Variants in TNRC6B observed in about 807,000 individuals in gnomAD.
The protein encoded by TNRC6B is trinucleotide repeat containing adaptor 6B, also known as trinucleotide repeat-containing gene 6B protein.
In TNRC6B, 52 loss-of-function variants were observed where a neutral mutation model predicts 203.6. That is an observed-to-expected ratio of 0.26 (90% CI 0.20 to 0.32). The LOEUF (loss-of-function observed/expected upper bound fraction) is 0.32, where lower values mean the gene tolerates loss of function less well. TNRC6B is among the 10% of genes least tolerant of loss of function. The pLI, the probability that TNRC6B is intolerant of heterozygous loss-of-function variation, is 1.00. For missense variants in TNRC6B, 1,923 were observed against 2,286.2 expected (o/e 0.84, Z 3.24); for synonymous variants, 838 against 845.7 (o/e 0.99, Z 0.16).
At chr22:40,151,204 G>GA (rs959309815) in intron 3 of TNRC6B, among the ~76,000 whole-genome samples, 3 of 151,494 alleles carry the variant, frequency 2.0e-5, no homozygotes, top group Admixed American at 1.3e-4. Flanking sequence ...CAGAGAGGTG[G>GA]AAGTTGCAGT....
At chr22:40,315,570 A>C in intron 20 of TNRC6B, 63 bp downstream of exon 20, 2 of 1,533,694 alleles carry the variant, frequency 1.3e-6, no homozygotes, top group Non-Finnish European at 1.8e-6. Flanking sequence ...GTTAACACAG[A>C]TGGTGAAGAC....
chr22:40,260,266 G>A (rs1034646945), intron 3 of TNRC6B, among the ~76,000 whole-genome samples: 6 of 151,804 alleles, frequency 4.0e-5, no homozygotes, highest in Non-Finnish European at 7.4e-5. Context: ...ACAGAGAGCG[G>A]TGCAAGTCTT....
intron 7 of TNRC6B, among the ~76,000 whole-genome samples, chr22:40,276,324 G>A: frequency 6.6e-6 from 1 of 150,688 alleles, no homozygotes; most frequent in Non-Finnish European, 1.5e-5. Context: ...TCTAGCCTGG[G>A]TGACAGAGAA....
At chr22:40,241,578 G>T (rs1005320276) in intron 1 of TNRC6B, among the ~76,000 whole-genome samples, 1 of 152,158 alleles carries the variant, frequency 6.6e-6, no homozygotes, top group African/African-American at 2.4e-5. Context: ...ACATTTAAAA[G>T]GACTCATAGA....
At chr22:40,164,760 CAA>C (rs550507661) in intron 4 of TNRC6B, among the ~76,000 whole-genome samples, 37,343 of 90,364 alleles carry the variant, frequency 0.41, 6,429 homozygotes, top group East Asian at 0.5. Context: ...AATTCTGTCT[CAA>C]AAAAAAAAAA....
At chr22:40,232,213 G>A (rs1056420859) in intron 1 of TNRC6B, among the ~76,000 whole-genome samples, 3 of 152,200 alleles carry the variant, frequency 2.0e-5, no homozygotes, top group Admixed American at 6.5e-5. Context: ...AACAGTATTA[G>A]CAGCGGCATA....
intron 3 of TNRC6B, among the ~76,000 whole-genome samples, chr22:40,259,474 G>A (rs1010634725): frequency 2.6e-5 from 4 of 152,086 alleles, no homozygotes; most frequent in Non-Finnish European, 5.9e-5. Context: ...TACCCACCTC[G>A]GCCTCCCAAA....
chr22:40,224,681 A>G (rs1045433123), intron 1 of TNRC6B, among the ~76,000 whole-genome samples: 5 of 152,234 alleles, frequency 3.3e-5, no homozygotes, highest in African/African-American at 1.2e-4. Flanking sequence ...AGGTTTTTCA[A>G]ATGCTTTAAT....
At chr22:40,070,905 A>G (rs1569250061) in intron 1 of TNRC6B, among the ~76,000 whole-genome samples, 1 of 152,196 alleles carries the variant, frequency 6.6e-6, no homozygotes, top group Non-Finnish European at 1.5e-5. Flanking sequence ...ACTAAAGTCT[A>G]AAGTGGGTAG....
At chr22:40,075,581 G>T (rs959517366) in intron 1 of TNRC6B, among the ~76,000 whole-genome samples, 3 of 151,572 alleles carry the variant, frequency 2.0e-5, no homozygotes, top group Non-Finnish European at 2.9e-5. Flanking sequence ...TACCATCTTT[G>T]TTTTTTAATT....
intron 11 of TNRC6B, 99 bp from the exon 12 acceptor site, chr22:40,285,546 G>T: frequency 7.1e-7 from 1 of 1,402,658 alleles, no homozygotes; most frequent in Non-Finnish European, 9.6e-7. Flanking sequence ...ATCGAACACA[G>T]CCTGTGATTC....
intron 1 of TNRC6B, among the ~76,000 whole-genome samples, chr22:40,204,933 C>T (rs2069460770): frequency 6.6e-6 from 1 of 152,226 alleles, no homozygotes. Flanking sequence ...TAAACACTTT[C>T]ATCAGTTATT....
chr22:40,046,237 G>T (rs1368446267), intron 1 of TNRC6B, among the ~76,000 whole-genome samples: 1 of 152,208 alleles, frequency 6.6e-6, no homozygotes, highest in Non-Finnish European at 1.5e-5. Context: ...TCTTGGCTTC[G>T]AAAGTACAGA....
chr22:40,311,718 T>C (rs773929550), intron 17 of TNRC6B, among the ~76,000 whole-genome samples: 4 of 152,048 alleles, frequency 2.6e-5, no homozygotes, highest in Non-Finnish European at 4.4e-5. Context: ...ATTTTTTGTA[T>C]GTTTAGTAGA....
intron 12 of TNRC6B, among the ~76,000 whole-genome samples, chr22:40,296,537 T>G (rs895328587): frequency 3.3e-5 from 5 of 151,978 alleles, no homozygotes; most frequent in African/African-American, 1.2e-4. Context: ...TTTCACCGTG[T>G]TAGCCAGGAT....
At chr22:40,132,127 G>T (rs2068550410) in intron 3 of TNRC6B, among the ~76,000 whole-genome samples, 1 of 151,962 alleles carries the variant, frequency 6.6e-6, no homozygotes. Flanking sequence ...GCAGGCAGAT[G>T]ACTTGAGGTC....
chr22:40,312,386 AAG>A, intron 17 of TNRC6B, 117 bp from the exon 18 acceptor site: 1 of 1,058,876 alleles, frequency 9.4e-7, no homozygotes. Context: ...ATGAAAATCT[AAG>A]AGACAATAAA....
chr22:40,101,632 A>T (rs2068242141), intron 1 of TNRC6B, among the ~76,000 whole-genome samples: 1 of 152,164 alleles, frequency 6.6e-6, no homozygotes, highest in Non-Finnish European at 1.5e-5. Context: ...GAGAGAAAGG[A>T]ATGAAGCTGA....
At chr22:40,109,222 T>C (rs570789901) in intron 1 of TNRC6B, among the ~76,000 whole-genome samples, 2 of 152,226 alleles carry the variant, frequency 1.3e-5, no homozygotes, top group Non-Finnish European at 2.9e-5. Flanking sequence ...TTTGCTGTTG[T>C]GAATAGTGCT....
Sources: allele counts gnomAD v4.1 joint callset (sites outside exome capture counted in the v4.1 genomes callset), GRCh38; gene constraint gnomAD v4.1.1; transcripts MANE v1.5; gene names NCBI Gene and HGNC (gene_info 2026-07-23, HGNC 2026-07-21).